The following TSGA10 variants were observed in gnomAD, a reference collection of about 807,000 sequenced individuals.
The protein encoded by TSGA10 is testis-specific gene 10 protein.
Under a neutral mutation model 96.6 loss-of-function variants are expected in TSGA10, and 43 were observed. That is an observed-to-expected ratio of 0.44 (90% CI 0.35 to 0.57). The LOEUF (loss-of-function observed/expected upper bound fraction) is 0.57, where lower values mean the gene tolerates loss of function less well. TSGA10 is among the 20% of genes least tolerant of loss of function. The pLI is 0.01. For missense variants in TSGA10, 703 were observed against 834.4 expected, an observed-to-expected ratio of 0.84 and a Z score of 1.94; for synonymous variants, 229 against 269.9, an observed-to-expected ratio of 0.85 and a Z score of 1.48.
At chr2:99,059,068 A>T (rs866248507) in intron 16 of TSGA10, among the ~76,000 whole-genome samples, 5 of 106,938 alleles carry the variant, frequency 4.7e-5, no homozygotes, top group East Asian at 2.3e-4. Flanking sequence ...ATATATATAT[A>T]TTTATATATT....
chr2:99,087,427 A>T (rs1456145599), intron 10 of TSGA10, among the ~76,000 whole-genome samples: 1 of 151,978 alleles, frequency 6.6e-6, no homozygotes, highest in Non-Finnish European at 1.5e-5. Flanking sequence ...AATCGTTTGA[A>T]CCCGGGAGGC....
At chr2:99,032,311 G>T (rs1382662395) in intron 17 of TSGA10, among the ~76,000 whole-genome samples, 1 of 152,140 alleles carries the variant, frequency 6.6e-6, no homozygotes. Flanking sequence ...AAGGGCAAAA[G>T]ACCCAATGAT....
intron 1 of TSGA10, among the ~76,000 whole-genome samples, chr2:99,153,452 G>A (rs1286879178): frequency 6.6e-6 from 1 of 152,184 alleles, no homozygotes; most frequent in Non-Finnish European, 1.5e-5. Context: ...CACTTGAAAG[G>A]TTCCAGTGGA....
chr2:99,112,741 G>A (rs1203255397), intron 4 of TSGA10, among the ~76,000 whole-genome samples: 1 of 151,418 alleles, frequency 6.6e-6, no homozygotes. Context: ...ACAGCAAAGT[G>A]CTACAGGGAA....
intron 20 of TSGA10, among the ~76,000 whole-genome samples, chr2:99,013,780 C>T (rs1240329005): frequency 6.6e-6 from 1 of 151,694 alleles, no homozygotes; most frequent in Non-Finnish European, 1.5e-5. Context: ...TTTTGGGAGG[C>T]GAAGACAGGC....
chr2:99,154,416 C>G (rs1231904106), intron 1 of TSGA10: 9 of 152,610 alleles, frequency 5.9e-5, no homozygotes, highest in African/African-American at 2.2e-4. Flanking sequence ...CCACTCCATC[C>G]TGTATTATCA....
chr2:99,138,279 G>A (rs959560277), intron 1 of TSGA10, among the ~76,000 whole-genome samples: 24 of 152,068 alleles, frequency 1.6e-4, no homozygotes, highest in Admixed American at 1.5e-3. Flanking sequence ...CTTACCTAAA[G>A]TAGCCTCTCT....
intron 10 of TSGA10, among the ~76,000 whole-genome samples, chr2:99,093,382 T>C (rs977505893): frequency 2.6e-5 from 4 of 152,100 alleles, no homozygotes; most frequent in Non-Finnish European, 5.9e-5. Context: ...CTATTCAACA[T>C]AGTACTGGAA....
chr2:99,071,663 TA>T, intron 14 of TSGA10, 42 bp downstream of exon 14: 1 of 1,558,128 alleles, frequency 6.4e-7, no homozygotes, highest in East Asian at 2.3e-5. Context: ...AAGAAATTCA[TA>T]TTTTTTTTTC....
chr2:99,093,269 G>A (rs545255833), intron 10 of TSGA10, among the ~76,000 whole-genome samples: 10 of 152,074 alleles, frequency 6.6e-5, no homozygotes, highest in East Asian at 5.8e-4. Context: ...AATAAAAGCC[G>A]TCTACGGACA....
At chr2:99,000,006 TCA>T (rs1423595901) in intron 20 of TSGA10, among the ~76,000 whole-genome samples, 2 of 152,208 alleles carry the variant, frequency 1.3e-5, no homozygotes, top group Non-Finnish European at 2.9e-5. Context: ...TCTGTCTGCC[TCA>T]GTCTCCCAAA....
At chr2:99,030,346 C>CA (rs1460620469) in intron 17 of TSGA10, among the ~76,000 whole-genome samples, 8 of 147,080 alleles carry the variant, frequency 5.4e-5, no homozygotes, top group African/African-American at 1.8e-4. Flanking sequence ...GGCTCTGTCT[C>CA]AAAAAAAATT....
chr2:99,042,396 C>G (rs1048752680), intron 16 of TSGA10, among the ~76,000 whole-genome samples: 1 of 152,106 alleles, frequency 6.6e-6, no homozygotes, highest in African/African-American at 2.4e-5. Flanking sequence ...ACATGGCCAG[C>G]CCATCCAGCA....
intron 20 of TSGA10, among the ~76,000 whole-genome samples, chr2:99,001,351 G>A (rs543642426): frequency 6.6e-6 from 1 of 152,262 alleles, no homozygotes; most frequent in South Asian, 2.1e-4. Flanking sequence ...GATCTGGAGT[G>A]GACCTCCAGC....
chr2:99,041,089 AC>A (rs1054930498), intron 16 of TSGA10, among the ~76,000 whole-genome samples: 2 of 152,174 alleles, frequency 1.3e-5, no homozygotes, highest in African/African-American at 4.8e-5. Context: ...TCTTGCACTT[AC>A]CTATTTAGGA....
rs570214060 is a variant in TSGA10 at position 99,056,292 on chromosome 2, C to T, written c.1404+8647G>A. On this transcript the variant is annotated intron_variant, in intron 16 of 20. Transcript: ENST00000393483. Reference sequence around the variant, plus strand: ...ATCAACTAAATTGACAAGTCTGTAGCTAGATTGATCTAGAAAAAAAGACTC... The same window carrying T: ...ATCAACTAAATTGACAAGTCTGTAGTTAGATTGATCTAGAAAAAAAGACTC... Among the ~76,000 whole-genome samples the T allele has an allele frequency of 2.0e-5, 3 of 151,866 alleles. No homozygotes were observed. In the East Asian group the frequency reaches 5.8e-4, roughly 29 times the overall value.
chr2:99,052,969 G>A lies in TSGA10; in HGVS notation c.1404+11970C>T, dbSNP rs373566649. ...CTCAGCTACTTGGGAGGCTGAGGTA[G>A]GGGAATAGTTTGAGCCCGAGAGACA... On this transcript the variant is annotated intron_variant, in intron 16 of 20. Coordinates refer to ENST00000393483, the MANE Select transcript of TSGA10 (RefSeq NM_025244.4). 2.4e-4 allele frequency among the ~76,000 whole-genome samples: 37 copies of A among 151,988 alleles called. 1 individual carries two copies. The highest frequency in any genetic ancestry group is 8.2e-4 in the African/African-American group (34 of 41,460).
chr2:99,004,017 T>C (rs1432742676), intron 20 of TSGA10, among the ~76,000 whole-genome samples: 5 of 152,156 alleles, frequency 3.3e-5, no homozygotes, highest in Non-Finnish European at 7.3e-5. Context: ...GAGCTGGTTT[T>C]TTGAAAAGAT....
At chr2:99,036,237 A>G (rs1440350829) in intron 16 of TSGA10, among the ~76,000 whole-genome samples, 5 of 152,052 alleles carry the variant, frequency 3.3e-5, no homozygotes, top group Non-Finnish European at 5.9e-5. Flanking sequence ...CTCCCATTAT[A>G]AGTTATTTGG....
Sources: gnomAD v4.1 joint callset for allele counts (sites outside exome capture counted in the v4.1 genomes callset) on GRCh38, gnomAD v4.1.1 for gene constraint, MANE v1.5 for transcripts, NCBI Gene and HGNC (gene_info 2026-07-23, HGNC 2026-07-21) for gene names.